ACVR1: variants seen among roughly 807,000 people sequenced by gnomAD.
ACVR1 encodes the protein activin A receptor type 1.
ACVR1 carries 38 observed loss-of-function variants against 57.1 expected under a neutral mutation model. The ratio of observed to expected loss-of-function variants is 0.67; its 90% CI spans 0.51 to 0.87. The LOEUF (loss-of-function observed/expected upper bound fraction) is 0.87, where lower values mean the gene tolerates loss of function less well. Among genes scored for constraint, ACVR1 ranks in the 40% least tolerant of loss-of-function variants. The pLI is 0.00. For synonymous variants in ACVR1, 212 were observed against 228.1 expected, an observed-to-expected ratio of 0.93 and a Z score of 0.63; for missense variants, 463 against 638.2, an observed-to-expected ratio of 0.73 and a Z score of 2.96.
At chr2:157,819,077 CAAAAAAA>C (rs386391595) in intron 1 of ACVR1, among the ~76,000 whole-genome samples, 2 of 59,178 alleles carry the variant, frequency 3.4e-5, no homozygotes, top group Non-Finnish European at 5.6e-5. Flanking sequence ...GACTCCGTCT[CAAAAAAA>C]AAAAAAAAAA....
At chr2:157,846,674 GATGA>G (rs1689135295) in intron 1 of ACVR1, among the ~76,000 whole-genome samples, 1 of 152,164 alleles carries the variant, frequency 6.6e-6, no homozygotes, top group African/African-American at 2.4e-5. Flanking sequence ...CCTCTGGATG[GATGA>G]AATTGTTTCT....
At chr2:157,807,836 G>C (rs1051441339) in intron 2 of ACVR1, among the ~76,000 whole-genome samples, 2 of 108,600 alleles carry the variant, frequency 1.8e-5, no homozygotes, top group Admixed American at 2.7e-4. Flanking sequence ...AGGCTAATGT[G>C]ATTAATCTAT....
At chr2:157,783,787 T>G (rs10469789) in intron 3 of ACVR1, among the ~76,000 whole-genome samples, 121,836 of 151,694 alleles carry the variant, frequency 0.8, 49,056 homozygotes, top group East Asian at 0.93. Flanking sequence ...CATCCACTGT[T>G]CAATCTTCTT....
At chr2:157,825,753 G>A (rs183889468) in intron 1 of ACVR1, among the ~76,000 whole-genome samples, 1 of 152,180 alleles carries the variant, frequency 6.6e-6, no homozygotes, top group Non-Finnish European at 1.5e-5. Flanking sequence ...ACCCCAAGTA[G>A]CTTTAATCCA....
chr2:157,781,580 C>T lies in ACVR1; in HGVS notation c.68-980G>A, dbSNP rs528430025. On this transcript the variant is annotated intron_variant, in intron 3 of 10. Transcript: ENST00000434821. ...GAGGGCACAAGGAGACCAAGAGAAC[C>T]GAATAATGTTTGAACAGTAAGGTGA... Among the ~76,000 whole-genome samples the T allele has an allele frequency of 5.3e-5, 8 of 152,198 alleles. No homozygotes were observed. The South Asian group carries it at 8.3e-4, about 16-fold the overall frequency.
At chr2:157,771,365 C>A (rs921232294) in intron 6 of ACVR1, among the ~76,000 whole-genome samples, 1 of 152,176 alleles carries the variant, frequency 6.6e-6, no homozygotes, top group East Asian at 1.9e-4. Flanking sequence ...CTTGCAGCAG[C>A]AACACACTTG....
At chr2:157,798,196 C>T (rs1043788589) in intron 3 of ACVR1, among the ~76,000 whole-genome samples, 4 of 149,944 alleles carry the variant, frequency 2.7e-5, no homozygotes, top group South Asian at 2.1e-4. Context: ...CCCTGTCATA[C>T]ATAAAAACAC....
At chr2:157,841,132 C>T (rs924948422) in intron 1 of ACVR1, among the ~76,000 whole-genome samples, 4 of 152,150 alleles carry the variant, frequency 2.6e-5, no homozygotes, top group Admixed American at 6.5e-5. Context: ...TCCTCTTGTC[C>T]ATACTTGGCT....
chr2:157,823,168 C>T (rs1023852513), intron 1 of ACVR1, among the ~76,000 whole-genome samples: 3 of 152,194 alleles, frequency 2.0e-5, no homozygotes, highest in Non-Finnish European at 2.9e-5. Flanking sequence ...AAAGGTGGAT[C>T]TTATCCTTCA....
chr2:157,769,726 C>T (rs1425403231), intron 7 of ACVR1, among the ~76,000 whole-genome samples: 1 of 152,176 alleles, frequency 6.6e-6, no homozygotes, highest in Admixed American at 6.5e-5. Flanking sequence ...GCAGCATTCA[C>T]CATACATGTA....
chr2:157,777,179 A>C (rs1039077658), intron 5 of ACVR1, among the ~76,000 whole-genome samples: 1 of 152,230 alleles, frequency 6.6e-6, no homozygotes, highest in East Asian at 1.9e-4. Context: ...AGCAATTTTA[A>C]AAGGTAAATA....
At chr2:157,867,458 C>T (rs992048184) in intron 1 of ACVR1, among the ~76,000 whole-genome samples, 1 of 152,144 alleles carries the variant, frequency 6.6e-6, no homozygotes, top group Non-Finnish European at 1.5e-5. Flanking sequence ...CAGCAACTAA[C>T]ACCGAGCCTC....
chr2:157,778,312 T>A lies in ACVR1; in HGVS notation c.362A>T (p.His121Leu), dbSNP rs1265994310. ...GKSFPGTQNF[H>L]LEVGLIILSV... Reference sequence around the variant, plus strand: ...GAGAATAATGAGGCCAACCTCCAAGTGGAAATTCTGTGTTCCAGGGAAGGA... The same window carrying A: ...GAGAATAATGAGGCCAACCTCCAAGAGGAAATTCTGTGTTCCAGGGAAGGA... The change falls in exon 5 of 11, where the codon CAC becomes CTC. Residue 121 changes from histidine (H) to leucine (L), a missense_variant. His to Leu is a moderately conservative substitution (Grantham distance 99). This residue lies in a region of ACVR1 where 203 missense variants were observed against 235.5 expected (regional missense o/e 0.86). Transcript: ENST00000434821. 1 of 1,614,046 alleles carries A rather than the reference T, an allele frequency of 6.2e-7. No homozygotes were observed. Among genetic ancestry groups the A allele is most frequent in the Non-Finnish European group, 8.5e-7 (1 of 1,179,954 alleles).
chr2:157,826,935 AAGAGAGAAAC>A (rs1559080955), intron 1 of ACVR1, among the ~76,000 whole-genome samples: 2 of 150,654 alleles, frequency 1.3e-5, no homozygotes, highest in South Asian at 2.1e-4. Context: ...GAAAGAAAGA[AAGAGAGAAAC>A]AGAGAGAAAG....
Position 157,787,843 on chromosome 2 carries a change from A to G in ACVR1, c.68-7243T>C, listed in dbSNP as rs1686769064. 3.3e-5 allele frequency among the ~76,000 whole-genome samples: 5 copies of G among 152,166 alleles called. No homozygotes were observed. The South Asian group carries it at 1.0e-3, about 32-fold the overall frequency. ...ATAGAACAGTGGAGAAAAAGCCAGC[A>G]GGTGGCTTTTGTGCTTAGCTCTCCA... is the stretch of plus-strand genomic sequence containing the variant. On this transcript the variant is annotated intron_variant, in intron 3 of 10. Transcript: ENST00000434821.
chr2:157,834,530 T>C (rs759029442), intron 1 of ACVR1, among the ~76,000 whole-genome samples: 30 of 152,174 alleles, frequency 2.0e-4, no homozygotes, highest in Non-Finnish European at 4.3e-4. Context: ...GTGGGGTTTA[T>C]TGTATGAATA....
intron 1 of ACVR1, among the ~76,000 whole-genome samples, chr2:157,868,258 G>T (rs35863482): frequency 2.3e-3 from 356 of 152,126 alleles, no homozygotes; most frequent in Middle Eastern, 6.8e-3. Context: ...GCCGAGGTGG[G>T]TGAATCACGA....
At chr2:157,803,251 C>T (rs1385693607) in intron 2 of ACVR1, among the ~76,000 whole-genome samples, 2 of 152,074 alleles carry the variant, frequency 1.3e-5, no homozygotes, top group Non-Finnish European at 2.9e-5. Flanking sequence ...ATAATTTAGG[C>T]TCATAAATAG....
chr2:157,794,776 T>A (rs1467669288), intron 3 of ACVR1, among the ~76,000 whole-genome samples: 1 of 152,152 alleles, frequency 6.6e-6, no homozygotes, highest in Non-Finnish European at 1.5e-5. Context: ...CAGGCCATTA[T>A]ATTGGAAAGC....
Sources: gnomAD v4.1 joint callset for allele counts (sites outside exome capture counted in the v4.1 genomes callset) on GRCh38, gnomAD v4.1.1 for gene constraint, gnomAD v4.1.1 regional missense constraint, MANE v1.5 for transcripts, NCBI Gene and HGNC (gene_info 2026-07-23, HGNC 2026-07-21) for gene names.